LRFN2: variants seen among roughly 807,000 people sequenced by gnomAD.
LRFN2 encodes the protein leucine-rich repeat and fibronectin type-III domain-containing protein 2.
A neutral mutation model predicts 37.3 loss-of-function variants in LRFN2; 18 were observed. The observed-to-expected ratio is 0.48, with a 90% CI of 0.33 to 0.72. LRFN2 has a LOEUF of 0.72. Ranked by LOEUF, LRFN2 falls within the 30% of genes least tolerant of loss-of-function variation. The pLI is 0.02. For synonymous variants in LRFN2, 556 were observed against 466.6 expected, an observed-to-expected ratio of 1.19 and a Z score of -2.47; for missense variants, 1,006 against 1,060.7, an observed-to-expected ratio of 0.95 and a Z score of 0.72.
At chr6:40,502,919 G>T (rs191062184) in intron 1 of LRFN2, among the ~76,000 whole-genome samples, 9 of 152,338 alleles carry the variant, frequency 5.9e-5, no homozygotes, top group African/African-American at 2.2e-4. Flanking sequence ...GAACCACAAA[G>T]GAGAAAAATC....
intron 1 of LRFN2, among the ~76,000 whole-genome samples, chr6:40,570,103 G>T (rs1767161050): frequency 6.6e-6 from 1 of 152,116 alleles, no homozygotes; most frequent in African/African-American, 2.4e-5. Flanking sequence ...TCAGGCATCA[G>T]TGTTTGTTAT....
intron 2 of LRFN2, among the ~76,000 whole-genome samples, chr6:40,427,855 C>T (rs150729466): frequency 2.6e-3 from 402 of 152,298 alleles, no homozygotes; most frequent in African/African-American, 9.2e-3. Flanking sequence ...AGTCCTTACT[C>T]ACCTACATGG....
intron 1 of LRFN2, among the ~76,000 whole-genome samples, chr6:40,464,804 G>A (rs922013907): frequency 6.6e-6 from 1 of 151,964 alleles, no homozygotes; most frequent in African/African-American, 2.4e-5. Context: ...TCTCGGATGG[G>A]AGCTGGTGAA....
chr6:40,464,869 C>T (rs575748255), intron 1 of LRFN2, among the ~76,000 whole-genome samples: 3 of 152,310 alleles, frequency 2.0e-5, no homozygotes, highest in South Asian at 2.1e-4. Context: ...GTGTAATCTA[C>T]ACAATCTCTT....
chr6:40,499,124 C>T (rs1765308941), intron 1 of LRFN2, among the ~76,000 whole-genome samples: 1 of 152,230 alleles, frequency 6.6e-6, no homozygotes, highest in South Asian at 2.1e-4. Flanking sequence ...AAAGTCAGAG[C>T]TGTACATTGT....
At position 40,532,008 on chromosome 6, in the gene LRFN2, A is replaced by G. The variant is rs558752251; in HGVS notation, c.-19+54933T>C. On this transcript the variant is annotated intron_variant, in intron 1 of 2. Coordinates refer to ENST00000338305, the MANE Select transcript of LRFN2 (RefSeq NM_020737.3). Reference sequence around the variant, plus strand: ...ATGCAGGAATTCTTCAGGTGTCCGCACAGTTCCTGCATATATGGAAGCTCA... The same window carrying G: ...ATGCAGGAATTCTTCAGGTGTCCGCGCAGTTCCTGCATATATGGAAGCTCA... Among the ~76,000 whole-genome samples the G allele has an allele frequency of 4.6e-5, 7 of 152,334 alleles. No individual in the cohort carries two copies. In the South Asian group the frequency reaches 1.4e-3, roughly 32 times the overall value.
chr6:40,449,833 C>T (rs1236127000), intron 1 of LRFN2, among the ~76,000 whole-genome samples: 1 of 152,148 alleles, frequency 6.6e-6, no homozygotes, highest in Admixed American at 6.5e-5. Context: ...TGGTACAATG[C>T]TGTTCACCCA....
intron 1 of LRFN2, among the ~76,000 whole-genome samples, chr6:40,465,581 A>G (rs927904277): frequency 6.6e-6 from 1 of 152,182 alleles, no homozygotes; most frequent in African/African-American, 2.4e-5. Flanking sequence ...CCAACATAAG[A>G]TATTAATTAA....
At chr6:40,482,111 C>T (rs529462063) in intron 1 of LRFN2, among the ~76,000 whole-genome samples, 74 of 152,258 alleles carry the variant, frequency 4.9e-4, no homozygotes, top group African/African-American at 1.7e-3. Context: ...CCTTGTATCC[C>T]TTTGCCCTTT....
intron 2 of LRFN2, among the ~76,000 whole-genome samples, chr6:40,394,571 G>T (rs569079577): frequency 6.6e-6 from 1 of 152,288 alleles, no homozygotes; most frequent in East Asian, 1.9e-4. Flanking sequence ...CCCAGTGGCT[G>T]CTGCCTCCCT....
At chr6:40,479,924 A>AT (rs530288900) in intron 1 of LRFN2, among the ~76,000 whole-genome samples, 272 of 152,272 alleles carry the variant, frequency 1.8e-3, no homozygotes, top group Non-Finnish European at 3.1e-3. Flanking sequence ...AAAGCCTGTT[A>AT]TTTTTTTCTA....
chr6:40,426,056 C>T (rs1763346751), intron 2 of LRFN2, among the ~76,000 whole-genome samples: 1 of 152,132 alleles, frequency 6.6e-6, no homozygotes, highest in African/African-American at 2.4e-5. Flanking sequence ...CTCTGGGCCT[C>T]TGCCAAGATT....
At chr6:40,470,254 C>A (rs1042146569) in intron 1 of LRFN2, among the ~76,000 whole-genome samples, 6 of 152,228 alleles carry the variant, frequency 3.9e-5, no homozygotes, top group African/African-American at 9.6e-5. Flanking sequence ...TCCTTCCACA[C>A]CTGCTCAGGT....
intron 1 of LRFN2, among the ~76,000 whole-genome samples, chr6:40,504,849 G>A (rs564848524): frequency 1.3e-5 from 2 of 152,330 alleles, no homozygotes; most frequent in African/African-American, 2.4e-5. Flanking sequence ...ATGACCAAAG[G>A]CACACTAGGG....
At chr6:40,454,076 T>C (rs1446798197) in intron 1 of LRFN2, among the ~76,000 whole-genome samples, 1 of 152,216 alleles carries the variant, frequency 6.6e-6, no homozygotes, top group African/African-American at 2.4e-5. Context: ...ACCAAGACCA[T>C]TGATCATTTA....
In LRFN2 at chr6:40,420,635, G is replaced by A. The variant is rs112732896; in HGVS notation, c.1400+11079C>T. 3.0e-4 allele frequency among the ~76,000 whole-genome samples: 45 copies of A among 152,302 alleles called. 2 individuals carry two copies. Among genetic ancestry groups the A allele is most frequent in the Admixed American group, 9.2e-4 (14 of 15,292 alleles). On this transcript the variant is annotated intron_variant, in intron 2 of 2. Transcript: ENST00000338305. Reference sequence around the variant, plus strand: ...ATCCATTCCCCACTTCTAACTTCCCGGCAGAACGTTATTTTATCTAATGGG... The same window carrying A: ...ATCCATTCCCCACTTCTAACTTCCCAGCAGAACGTTATTTTATCTAATGGG...
At chr6:40,416,714 C>T (rs1009027150) in intron 2 of LRFN2, among the ~76,000 whole-genome samples, 1 of 152,152 alleles carries the variant, frequency 6.6e-6, no homozygotes, top group South Asian at 2.1e-4. Flanking sequence ...CCTCGTGACC[C>T]CTCCTGACCC....
intron 1 of LRFN2, among the ~76,000 whole-genome samples, chr6:40,474,828 G>T (rs1764675944): frequency 6.6e-6 from 1 of 152,136 alleles, no homozygotes; most frequent in Non-Finnish European, 1.5e-5. Context: ...TCCAAATAAG[G>T]TCATATTCTA....
intron 1 of LRFN2, among the ~76,000 whole-genome samples, chr6:40,520,033 G>C (rs985890111): frequency 6.6e-6 from 1 of 152,146 alleles, no homozygotes; most frequent in African/African-American, 2.4e-5. Flanking sequence ...GATATAAAGG[G>C]TGTGTAGGAC....
Sources: gnomAD v4.1 joint callset for allele counts (sites outside exome capture counted in the v4.1 genomes callset) on GRCh38, gnomAD v4.1.1 for gene constraint, MANE v1.5 for transcripts, NCBI Gene and HGNC (gene_info 2026-07-23, HGNC 2026-07-21) for gene names.